Variants in ENOX2 observed in about 807,000 individuals in gnomAD.
ENOX2 encodes APK1 antigen.
A neutral mutation model predicts 45.0 loss-of-function variants in ENOX2; 36 were observed. That is an observed-to-expected ratio of 0.80 (90% CI 0.61 to 1.06). The LOEUF (loss-of-function observed/expected upper bound fraction) is 1.06. Among genes scored for constraint, ENOX2 ranks in the 50% least tolerant of loss-of-function variants. The probability of loss-of-function intolerance (pLI) is 0.00; values close to 1 mark genes in which losing one functional copy is unlikely to be tolerated. For synonymous variants in ENOX2, 174 were observed against 152.3 expected, an observed-to-expected ratio of 1.14 and a Z score of -1.05; for missense variants, 423 against 462.5, an observed-to-expected ratio of 0.91 and a Z score of 0.78.
In ENOX2 at chrX:130,667,549, A is replaced by C; in HGVS notation, c.888T>G (p.Leu296=). 8.3e-7 allele frequency: 1 copy of C among 1,210,089 alleles called. No individual in the cohort carries two copies. The highest frequency in any genetic ancestry group is 1.1e-6 in the Non-Finnish European group (1 of 894,094). Residue 296 remains leucine, a synonymous_variant, in exon 8 of 15, where the codon CTT becomes CTG. Transcript: ENST00000394363. The part of the protein sequence containing the change: ...EEAKEKFKQA[L]SGILIQFEQI... ...ACTCACATTGAATGAGAATTCCAGAAAGGGCCTGCTTGAACTTCTCCTTTG... is the reference window on the plus strand; with the variant it reads ...ACTCACATTGAATGAGAATTCCAGACAGGGCCTGCTTGAACTTCTCCTTTG...
At chrX:130,674,897 C>T (rs1239147631) in intron 6 of ENOX2, among the ~76,000 whole-genome samples, 2 of 95,588 alleles carry the variant, frequency 2.1e-5, no homozygotes, top group Non-Finnish European at 4.2e-5. Context: ...TGATAGTTTA[C>T]TGAGAATGAT....
At chrX:130,771,228 T>C (rs1237887453) in intron 3 of ENOX2, among the ~76,000 whole-genome samples, 1 of 112,262 alleles carries the variant, frequency 8.9e-6, no homozygotes, top group East Asian at 2.8e-4. Context: ...GGTGTACATA[T>C]ATAATTTGTG....
intron 4 of ENOX2, among the ~76,000 whole-genome samples, chrX:130,696,779 T>C (rs1257198477): frequency 9.0e-6 from 1 of 111,218 alleles, no homozygotes; most frequent in African/African-American, 3.3e-5. Context: ...TTAAGGGCCA[T>C]TAAAAGCTTC....
chrX:130,787,859 A>AG (rs1486030467), intron 2 of ENOX2, among the ~76,000 whole-genome samples: 1 of 111,356 alleles, frequency 9.0e-6, no homozygotes, highest in East Asian at 2.8e-4. Context: ...TCTCATATGG[A>AG]GGGGGGACAT....
chrX:130,706,423 A>G (rs2038038649), intron 3 of ENOX2, among the ~76,000 whole-genome samples: 1 of 111,326 alleles, frequency 9.0e-6, no homozygotes, highest in Non-Finnish European at 1.9e-5. Flanking sequence ...GTAAGTCTTT[A>G]AGGAGGGATA....
intron 2 of ENOX2, among the ~76,000 whole-genome samples, chrX:130,897,865 T>C (rs1311838249): frequency 8.9e-6 from 1 of 112,142 alleles, no homozygotes; most frequent in Non-Finnish European, 1.9e-5. Context: ...AAAATCATTC[T>C]GTCAGCATTG....
intron 2 of ENOX2, among the ~76,000 whole-genome samples, chrX:130,852,766 G>A (rs1203987418): frequency 9.0e-6 from 1 of 111,252 alleles, no homozygotes; most frequent in African/African-American, 3.3e-5. Flanking sequence ...CTAAATGATT[G>A]AAGGGATGAA....
intron 10 of ENOX2, among the ~76,000 whole-genome samples, chrX:130,649,955 C>T (rs1272622120): frequency 8.9e-6 from 1 of 112,513 alleles, no homozygotes; most frequent in Non-Finnish European, 1.9e-5. Context: ...GCATCTTGAG[C>T]TGGAGTTTGG....
intron 7 of ENOX2, among the ~76,000 whole-genome samples, chrX:130,669,157 T>C (rs2036913922): frequency 1.8e-5 from 2 of 112,138 alleles, no homozygotes; most frequent in East Asian, 2.8e-4. Flanking sequence ...GGAAAATTCA[T>C]ACCATTAGAG....
At chrX:130,807,340 A>G (rs902297693) in intron 2 of ENOX2, among the ~76,000 whole-genome samples, 1 of 112,148 alleles carries the variant, frequency 8.9e-6, no homozygotes, top group African/African-American at 3.2e-5. Flanking sequence ...TGCATGGAAA[A>G]GCAGATTAAA....
intron 3 of ENOX2, among the ~76,000 whole-genome samples, chrX:130,770,047 A>G (rs1394787214): frequency 1.8e-5 from 2 of 111,924 alleles, no homozygotes; most frequent in African/African-American, 6.5e-5. Context: ...AAACATTCCA[A>G]CGTGCCTAAG....
Position 130,733,340 on chromosome X carries a change from G to C in ENOX2, c.-38-30086C>G, listed in dbSNP as rs752063472. Among the ~76,000 whole-genome samples the C allele has an allele frequency of 6.5e-5, 7 of 108,088 alleles. No individual in the cohort carries two copies. In the East Asian group the frequency reaches 2.0e-3, roughly 31 times the overall value. 93.9% of individuals were successfully genotyped at this position (108,088 alleles called of 115,157 possible). A position where few individuals can be genotyped will look rare whatever the true frequency, so the allele number is the denominator to read the frequency against. On this transcript the variant is annotated intron_variant, in intron 3 of 14. Coordinates refer to ENST00000394363, the MANE Select transcript of ENOX2 (RefSeq NM_006375.4). Reference sequence around the variant, plus strand: ...CATAATGAGAGATCAATATATACCTGTTAGAATGGCTTTTTTTTTTTTTTA... The same window carrying C: ...CATAATGAGAGATCAATATATACCTCTTAGAATGGCTTTTTTTTTTTTTTA...
At chrX:130,747,228 T>C (rs867655936) in intron 3 of ENOX2, among the ~76,000 whole-genome samples, 2 of 111,159 alleles carry the variant, frequency 1.8e-5, no homozygotes, top group South Asian at 7.6e-4. Flanking sequence ...GATCTTACAT[T>C]GTACTCTCCT....
chrX:130,722,727 G>A (rs767279754), intron 3 of ENOX2, among the ~76,000 whole-genome samples: 40 of 111,966 alleles, frequency 3.6e-4, no homozygotes, highest in Non-Finnish European at 6.2e-4. Context: ...ACAATTTAGC[G>A]GGGATTATTA....
At chrX:130,824,782 T>C (rs2077684778) in intron 2 of ENOX2, among the ~76,000 whole-genome samples, 1 of 111,412 alleles carries the variant, frequency 9.0e-6, no homozygotes, top group Non-Finnish European at 1.9e-5. Context: ...GGAAAGCTAA[T>C]AAACCTCACT....
chrX:130,639,160 T>C (rs2036015573), intron 10 of ENOX2, among the ~76,000 whole-genome samples: 1 of 111,404 alleles, frequency 9.0e-6, no homozygotes, highest in South Asian at 3.8e-4. Flanking sequence ...AATTTTGAAA[T>C]TGCAGACCAT....
chrX:130,625,401 A>G lies in ENOX2; in HGVS notation c.1659T>C (p.His553=). The G allele has an allele frequency of 8.3e-6, 10 of 1,209,160 alleles. No homozygotes were observed. Among genetic ancestry groups the G allele is most frequent in the Non-Finnish European group, 1.1e-5 (10 of 893,307 alleles). ...DVECLMGRLQ[H]TFKQEMTGVG... ...CTCCAGTCATTTCCTGCTTGAAGGT[A>G]TGCTGGAGTCTACCCATGAGACACT... is the stretch of plus-strand genomic sequence containing the variant. Residue 553 remains histidine, a synonymous_variant, in exon 15 of 15, where the codon CAT becomes CAC. Transcript: ENST00000394363.
Position 130,683,818 on chromosome X carries a change from C to T in ENOX2, c.254-4070G>A, listed in dbSNP as rs756042840. The stretch of plus-strand genomic sequence containing the variant: ...TTTTTTCTTGTTATATCTCAGTTTC[C>T]TGGAAATCAGAGAATGTTGCTTCTG... On this transcript the variant is annotated intron_variant, in intron 5 of 14. Coordinates refer to ENST00000394363, the MANE Select transcript of ENOX2 (RefSeq NM_006375.4). Among the ~76,000 whole-genome samples the T allele has an allele frequency of 1.7e-3, 185 of 109,892 alleles. 1 individual carries two copies. The highest frequency in any genetic ancestry group is 5.7e-3 in the African/African-American group (172 of 30,169).
At chrX:130,758,701 A>T (rs1337074910) in intron 3 of ENOX2, among the ~76,000 whole-genome samples, 2 of 111,851 alleles carry the variant, frequency 1.8e-5, no homozygotes, top group African/African-American at 6.5e-5. Context: ...TGTATGAGTG[A>T]TCTAGTTTCT....
Sources: allele counts gnomAD v4.1 joint callset (sites outside exome capture counted in the v4.1 genomes callset), GRCh38; gene constraint gnomAD v4.1.1; transcripts MANE v1.5; gene names NCBI Gene and HGNC (gene_info 2026-07-23, HGNC 2026-07-21).